The following ACYP2 variants were observed in gnomAD, a reference collection of about 807,000 sequenced individuals.
The protein encoded by ACYP2 is acylphosphatase 2, also known as acylphosphatase-2.
Under a neutral mutation model 11.2 loss-of-function variants are expected in ACYP2, and 12 were observed. The observed-to-expected ratio is 1.08, with a 90% CI of 0.69 to 1.74. ACYP2 has a LOEUF of 1.74. Ranked by LOEUF, ACYP2 falls within the 40% of genes most tolerant of loss-of-function variation. ACYP2 has a pLI of 0.00. For missense variants in ACYP2, 134 were observed against 101.9 expected (o/e 1.31, Z -1.35); for synonymous variants, 43 against 32.2 (o/e 1.33, Z -1.13).
intron 4 of ACYP2, 81 bp downstream of exon 1, chr2:54,115,837 A>C (rs2287640): frequency 7.1e-7 from 1 of 1,409,694 alleles, no homozygotes; most frequent in Non-Finnish European, 9.4e-7. Context: ...CTCCCACCTA[A>C]AGTATGCCTT....
chr2:54,303,927 G>A (rs949649678), intron 6 of ACYP2, among the ~76,000 whole-genome samples: 10 of 152,328 alleles, frequency 6.6e-5, no homozygotes, highest in African/African-American at 2.2e-4. Flanking sequence ...TATCTGAGAT[G>A]TCAGCAATAT....
intron 2 of ACYP2, among the ~76,000 whole-genome samples, chr2:54,025,526 G>A (rs915157441): frequency 2.6e-5 from 4 of 152,144 alleles, no homozygotes; most frequent in African/African-American, 9.7e-5. Context: ...TAAGCTACAT[G>A]TAAAACAATG....
At chr2:54,006,417 G>A (rs186043111) in intron 2 of ACYP2, among the ~76,000 whole-genome samples, 17 of 152,220 alleles carry the variant, frequency 1.1e-4, no homozygotes, top group African/African-American at 3.4e-4. Context: ...AAAGTGCTGG[G>A]ATTACAGGCA....
chr2:54,063,820 C>G (rs776684848), intron 4 of ACYP2, among the ~76,000 whole-genome samples: 43 of 152,080 alleles, frequency 2.8e-4, no homozygotes, highest in Non-Finnish European at 4.7e-4. Flanking sequence ...GACCCTGACA[C>G]GAGCCTGGAC....
At chr2:54,031,742 A>G (rs986542265) in intron 2 of ACYP2, among the ~76,000 whole-genome samples, 1 of 152,198 alleles carries the variant, frequency 6.6e-6, no homozygotes, top group Non-Finnish European at 1.5e-5. Flanking sequence ...AGTCCCACCA[A>G]CAGTGTAAAA....
At chr2:54,013,509 A>C (rs1256919778) in intron 2 of ACYP2, among the ~76,000 whole-genome samples, 2 of 151,880 alleles carry the variant, frequency 1.3e-5, no homozygotes, top group Non-Finnish European at 2.9e-5. Flanking sequence ...CATGTTGGCC[A>C]GGCTGGTCTT....
At chr2:54,288,216 T>C (rs951319959) in intron 6 of ACYP2, among the ~76,000 whole-genome samples, 2 of 151,996 alleles carry the variant, frequency 1.3e-5, no homozygotes, top group Non-Finnish European at 2.9e-5. Context: ...AGTGATAAGC[T>C]TTCCCTTTTC....
intron 6 of ACYP2, among the ~76,000 whole-genome samples, chr2:54,244,162 T>A (rs1686847671): frequency 6.6e-6 from 1 of 152,148 alleles, no homozygotes; most frequent in Non-Finnish European, 1.5e-5. Context: ...CAATTGGAGT[T>A]GTTCGTCTTT....
intron 2 of ACYP2, among the ~76,000 whole-genome samples, chr2:53,993,950 C>G (rs1374029282): frequency 3.9e-5 from 6 of 152,074 alleles, no homozygotes; most frequent in Admixed American, 3.9e-4. Flanking sequence ...CTTTGGGAGG[C>G]CGAGGAGGGT....
At position 53,979,616 on chromosome 2, in the gene ACYP2, A is replaced by G. The variant is rs528635560; in HGVS notation, c.62+5806A>G. 4.7e-5 allele frequency among the ~76,000 whole-genome samples: 7 copies of G among 148,882 alleles called. No homozygotes were observed. The South Asian group carries it at 1.1e-3, about 23-fold the overall frequency. On this transcript the variant is annotated intron_variant, in intron 2 of 6. Coordinates refer to ENST00000607452, the MANE Select transcript of ACYP2 (RefSeq NM_001320586.2). ...CACTCCAGCCTGGCAACAGAGTGAGACTCTGTCTCAAAAATAAAAAAAAAA... is the reference window on the plus strand; with the variant it reads ...CACTCCAGCCTGGCAACAGAGTGAGGCTCTGTCTCAAAAATAAAAAAAAAA...
At chr2:54,094,049 C>T (rs999239553) in intron 4 of ACYP2, among the ~76,000 whole-genome samples, 2 of 152,048 alleles carry the variant, frequency 1.3e-5, no homozygotes, top group African/African-American at 4.8e-5. Flanking sequence ...AAGAGCTGTC[C>T]TACTTAGGAG....
chr2:54,015,137 C>T lies in ACYP2; in HGVS notation c.63-35821C>T, dbSNP rs538774110. On this transcript the variant is annotated intron_variant, in intron 2 of 6. Transcript: ENST00000607452. The stretch of plus-strand genomic sequence containing the variant: ...ATCCCAGCACTTTGGGAGGCTGAGG[C>T]GGGCAGATCACTTGAGGTCAGGTAT... Among the ~76,000 whole-genome samples the T allele has an allele frequency of 3.0e-4, 46 of 152,072 alleles. No homozygotes were observed. In the East Asian group the frequency reaches 6.0e-3, roughly 20 times the overall value.
At chr2:54,157,313 A>C (rs1682478162) in intron 6 of ACYP2, among the ~76,000 whole-genome samples, 1 of 152,234 alleles carries the variant, frequency 6.6e-6, no homozygotes, top group Non-Finnish European at 1.5e-5. Context: ...AGATGGGATC[A>C]TGCCACACAT....
rs142662281 is a variant in ACYP2, at chr2:54,147,314, G to T, written c.404+8566G>T. On this transcript the variant is annotated intron_variant, in intron 6 of 6. Transcript: ENST00000607452. ...ATGTAGACTTATGGGCTTGAGGAAT[G>T]GTGGTGACTGGGTGGGGAACTGGCA... Among the ~76,000 whole-genome samples the T allele has an allele frequency of 3.1e-4, 47 of 152,208 alleles. No homozygotes were observed. The East Asian group carries it at 6.4e-3, about 21-fold the overall frequency.
chr2:54,300,684 A>T (rs1045373698), intron 6 of ACYP2, among the ~76,000 whole-genome samples: 2 of 152,146 alleles, frequency 1.3e-5, no homozygotes, highest in Non-Finnish European at 2.9e-5. Flanking sequence ...CTGCATGCTA[A>T]TCATCTCAGA....
intron 6 of ACYP2, among the ~76,000 whole-genome samples, chr2:54,160,239 G>A (rs1302726658): frequency 6.6e-6 from 1 of 152,178 alleles, no homozygotes; most frequent in African/African-American, 2.4e-5. Context: ...TAAGATGGCT[G>A]TCCCAGCTTC....
Position 54,222,786 on chromosome 2 carries a change from C to T in ACYP2, c.405-81902C>T, listed in dbSNP as rs562161917. Among the ~76,000 whole-genome samples the T allele has an allele frequency of 5.3e-5, 8 of 152,234 alleles. No individual in the cohort carries two copies. The South Asian group carries it at 1.7e-3, about 32-fold the overall frequency. On this transcript the variant is annotated intron_variant, in intron 6 of 6. Coordinates refer to ENST00000607452, the MANE Select transcript of ACYP2 (RefSeq NM_001320586.2). ...AGTCATGTGGTCCCCTTCATATGTC[C>T]TTGGAGGCCACCTTGATTTGCCATG...
At chr2:54,188,058 C>T (rs560005482) in intron 6 of ACYP2, among the ~76,000 whole-genome samples, 8 of 152,292 alleles carry the variant, frequency 5.3e-5, no homozygotes, top group African/African-American at 7.2e-5. Context: ...TCTTGGACTT[C>T]GCAGCCTCCA....
At chr2:54,155,692 G>A (rs990687741) in intron 6 of ACYP2, among the ~76,000 whole-genome samples, 2 of 152,150 alleles carry the variant, frequency 1.3e-5, no homozygotes, top group Non-Finnish European at 2.9e-5. Flanking sequence ...CTGGTGCATA[G>A]AGCCATTTAT....
Sources: gnomAD v4.1 joint callset for allele counts (sites outside exome capture counted in the v4.1 genomes callset) on GRCh38, gnomAD v4.1.1 for gene constraint, MANE v1.5 for transcripts, NCBI Gene and HGNC (gene_info 2026-07-23, HGNC 2026-07-21) for gene names.